DDB1: variants seen among roughly 807,000 people sequenced by gnomAD.
DDB1 encodes the protein DNA damage-binding protein 1.
In DDB1, 18 loss-of-function variants were observed where a neutral mutation model predicts 133.1. That is an observed-to-expected ratio of 0.14 (90% CI 0.09 to 0.20). The LOEUF (loss-of-function observed/expected upper bound fraction) is 0.20, where lower values mean the gene tolerates loss of function less well. Among genes scored for constraint, DDB1 ranks in the 10% least tolerant of loss-of-function variants. The pLI is 1.00. For missense variants in DDB1, 828 were observed against 1,459.2 expected (o/e 0.57, Z 7.05); for synonymous variants, 580 against 550.5 (o/e 1.05, Z -0.75).
chr11:61,311,380 A>AAACATAACAT (rs761492190), intron 18 of DDB1: 4 of 180,408 alleles, frequency 2.2e-5, no homozygotes, highest in African/African-American at 9.6e-5. Flanking sequence ...ACATAACATA[A>AAACATAACAT]AACATAACAT....
intron 21 of DDB1, among the ~76,000 whole-genome samples, chr11:61,308,683 T>C (rs1038731199): frequency 3.2e-4 from 49 of 152,242 alleles, no homozygotes; most frequent in Non-Finnish European, 7.3e-5. Flanking sequence ...CAGGATATTC[T>C]GATTTGGCTC....
chr11:61,322,732 A>C (rs1856203199), intron 8 of DDB1: 1 of 541,378 alleles, frequency 1.8e-6, no homozygotes. Context: ...TTCTAGAAGA[A>C]GTCCATTACA....
rs1856013371 is a variant in DDB1 at position 61,313,603 on chromosome 11, G to A, written c.1965C>T (p.Arg655=). Reference sequence around the variant, plus strand: ...GGTTGCTGCTATAGATGACAGTGGGGCGGTCAGAACAAGCAAAGACGTTGG... The same window carrying A: ...GGTTGCTGCTATAGATGACAGTGGGACGGTCAGAACAAGCAAAGACGTTGG... ...STTNVFACSD[R]PTVIYSSNHK... The change falls in exon 16 of 27, where the codon CGC becomes CGT. Residue 655 remains arginine, a synonymous_variant. Transcript: ENST00000301764. 1.2e-6 allele frequency: 2 copies of A among 1,614,002 alleles called. No individual in the cohort carries two copies. Among genetic ancestry groups the A allele is most frequent in the Admixed American group, 1.7e-5 (1 of 59,992 alleles).
At chr11:61,331,161 A>G (rs1489046606) in intron 2 of DDB1, among the ~76,000 whole-genome samples, 1 of 152,190 alleles carries the variant, frequency 6.6e-6, no homozygotes, top group African/African-American at 2.4e-5. Flanking sequence ...TCTCCCTTCT[A>G]AAGAAGTCAA....
chr11:61,301,269 C>T (rs1246628463), intron 25 of DDB1: 1 of 228,518 alleles, frequency 4.4e-6, no homozygotes, highest in Non-Finnish European at 8.7e-6. Context: ...CCTCAAAGCT[C>T]CATAGAGGGG....
At position 61,314,167 on chromosome 11, in the gene DDB1, G is replaced by A. The variant is rs758806292; in HGVS notation, c.1633C>T (p.Pro545Ser). ...GACAGTCCATTGCTGTCTCCTAATGGGGTGATGTCCAAGCAAGCCACTTCA... is the reference window on the plus strand; with the variant it reads ...GACAGTCCATTGCTGTCTCCTAATGAGGTGATGTCCAAGCAAGCCACTTCA... ...EHEVACLDIT[P>S]LGDSNGLSPL... The change falls in exon 14 of 27, where the codon CCA (proline) becomes TCA (serine). Residue 545 changes from proline (P) to serine (S), a missense_variant. By Grantham distance (74) the Pro-to-Ser change is moderately conservative (BLOSUM62 -1). Coordinates refer to ENST00000301764, the MANE Select transcript of DDB1 (RefSeq NM_001923.5). 2 of 1,612,452 alleles carry A rather than the reference G, an allele frequency of 1.2e-6. No homozygotes were observed. Among genetic ancestry groups the A allele is most frequent in the East Asian group, 2.2e-5 (1 of 44,872 alleles).
chr11:61,325,589 A>G (rs1345799470), intron 6 of DDB1, 22 bp downstream of exon 6: 1 of 1,601,668 alleles, frequency 6.2e-7, no homozygotes, highest in African/African-American at 1.3e-5. Context: ...ATGAAAGGAA[A>G]AAAAGGTAGG....
intron 19 of DDB1, 125 bp from the exon 20 acceptor site, chr11:61,310,085 T>G: frequency 7.0e-7 from 1 of 1,419,336 alleles, no homozygotes; most frequent in Non-Finnish European, 9.9e-7. Context: ...TGTCCCTGTC[T>G]CATCAGATTA....
chr11:61,314,369 C>G lies in DDB1; in HGVS notation c.1528G>C (p.Val510Leu). The change falls in exon 13 of 27, where the codon GTG (valine) becomes CTG (leucine). Residue 510 changes from valine (V) to leucine (L), a missense_variant. By Grantham distance (32) the Val-to-Leu change is conservative. This residue lies in a region of DDB1 where 396 missense variants were observed against 554.1 expected (regional missense o/e 0.71). Transcript: ENST00000301764. ...TAGTAGAGGGCCCTGCCTACAGCCA[C>G]CACCACCTGGCTGCTATTGCAGGAG... The part of the protein sequence containing the change: ...VASCNSSQVV[V>L]AVGRALYYLQ... 2 of 1,614,264 alleles carry G rather than the reference C, an allele frequency of 1.2e-6. No individual in the cohort carries two copies. The highest frequency in any genetic ancestry group is 1.7e-6 in the Non-Finnish European group (2 of 1,180,050).
chr11:61,322,212 C>T, intron 9 of DDB1, 84 bp downstream of exon 9: 1 of 1,077,240 alleles, frequency 9.3e-7, no homozygotes, highest in South Asian at 1.3e-5. Context: ...TTCAGTGCAC[C>T]CTCCCCATTC....
chr11:61,310,153 C>T, intron 19 of DDB1, 142 bp downstream of exon 19: 2 of 1,377,214 alleles, frequency 1.5e-6, no homozygotes, highest in Non-Finnish European at 2.0e-6. Flanking sequence ...AACTCACTGC[C>T]ATCTCACAGA....
chr11:61,331,860 G>C (rs1565040459), intron 1 of DDB1, 169 bp from the exon 2 acceptor site: 7 of 844,724 alleles, frequency 8.3e-6, no homozygotes, highest in Admixed American at 2.8e-5. Flanking sequence ...ACCTCAAAGA[G>C]TCTCAGTTCA....
chr11:61,321,460 C>G, intron 10 of DDB1, 135 bp downstream of exon 10: 1 of 483,152 alleles, frequency 2.1e-6, no homozygotes. Flanking sequence ...GTTTAAGCTT[C>G]TGATCTGTTG....
chr11:61,316,619 T>C (rs767421464), intron 10 of DDB1, 52 bp from the exon 11 acceptor site: 3 of 1,592,208 alleles, frequency 1.9e-6, no homozygotes, highest in African/African-American at 2.7e-5. Context: ...ACACTTAGCA[T>C]GCATATCTAC....
chr11:61,315,343 G>A (rs1267924413), intron 12 of DDB1: 1 of 152,194 alleles, frequency 6.6e-6, no homozygotes, highest in Non-Finnish European at 1.5e-5. Context: ...TAGCACAATT[G>A]AGTTTATATA....
At chr11:61,312,215 A>G in intron 16 of DDB1, 131 bp from the exon 17 acceptor site, 1 of 727,918 alleles carries the variant, frequency 1.4e-6, no homozygotes, top group Admixed American at 2.3e-5. Flanking sequence ...CATCACCTGG[A>G]GAGACAGACA....
intron 21 of DDB1, among the ~76,000 whole-genome samples, chr11:61,308,503 T>C (rs1855911955): frequency 6.6e-6 from 1 of 152,206 alleles, no homozygotes; most frequent in South Asian, 2.1e-4. Flanking sequence ...GTCCATTTTG[T>C]TTGCTGCTAT....
At chr11:61,323,157 C>T (rs1404036947) in intron 7 of DDB1, 63 bp from the exon 8 acceptor site, 2 of 1,329,652 alleles carry the variant, frequency 1.5e-6, no homozygotes, top group Non-Finnish European at 2.1e-6. Context: ...CCAGATACTA[C>T]CCACATCTCA....
intron 12 of DDB1, 188 bp from the exon 13 acceptor site, chr11:61,314,674 C>A (rs758074104): frequency 3.4e-6 from 2 of 587,706 alleles, no homozygotes; most frequent in Non-Finnish European, 5.6e-6. Context: ...CTGAAGGAGG[C>A]CAGCTTAAAA....
Sources: gnomAD v4.1 joint callset for allele counts (sites outside exome capture counted in the v4.1 genomes callset) on GRCh38, gnomAD v4.1.1 for gene constraint, gnomAD v4.1.1 regional missense constraint, MANE v1.5 for transcripts, NCBI Gene and HGNC (gene_info 2026-07-23, HGNC 2026-07-21) for gene names.